ROCK2: variants seen among roughly 807,000 people sequenced by gnomAD.
ROCK2 encodes rho-associated protein kinase 2.
In ROCK2, 61 loss-of-function variants were observed where a neutral mutation model predicts 195.1. That is an observed-to-expected ratio of 0.31 (90% CI 0.25 to 0.39). The LOEUF (loss-of-function observed/expected upper bound fraction) is 0.39. Among genes scored for constraint, ROCK2 ranks in the 10% least tolerant of loss-of-function variants. The pLI is 1.00. For missense variants in ROCK2, 1,109 were observed against 1,637.4 expected (o/e 0.68, Z 5.57); for synonymous variants, 504 against 545.5 (o/e 0.92, Z 1.06).
In ROCK2 at chr2:11,235,619, A is replaced by G. The variant is rs2148104874; in HGVS notation, c.723+83T>C. 7.0e-7 allele frequency: 1 copy of G among 1,434,400 alleles called. No homozygotes were observed. Among genetic ancestry groups the G allele is most frequent in the African/African-American group, 1.4e-5 (1 of 70,152 alleles). The allele number at this position is 1,434,400 out of a possible 1,614,324, so 88.9% of individuals were successfully genotyped here. On this transcript the variant is annotated intron_variant, in intron 5 of 32. Transcript: ENST00000315872. The surrounding 1 kb of genome is among the most constrained non-coding windows in gnomAD (Gnocchi z 4.2). ...ATGAAAACTAAATTTACCTTTGTTC[A>G]AAACTATGAAGACCTGACTTAAAGT... is the stretch of plus-strand genomic sequence containing the variant.
intron 1 of ROCK2, among the ~76,000 whole-genome samples, chr2:11,313,157 T>C (rs1668087765): frequency 6.6e-6 from 1 of 152,098 alleles, no homozygotes; most frequent in Admixed American, 6.6e-5. Context: ...ATTGGTTCAT[T>C]AACTGTATGT....
At chr2:11,340,435 C>T (rs12692437) in intron 1 of ROCK2, among the ~76,000 whole-genome samples, 122,645 of 152,104 alleles carry the variant, frequency 0.81, 51,099 homozygotes, top group East Asian at 0.99. Flanking sequence ...GTAAGTTCCA[C>T]ACATCACCTT....
chr2:11,270,182 T>C (rs1666577478), intron 3 of ROCK2, among the ~76,000 whole-genome samples: 1 of 152,192 alleles, frequency 6.6e-6, no homozygotes, highest in African/African-American at 2.4e-5. Context: ...TTCCACTCTT[T>C]TTGCTTGCAT....
chr2:11,258,711 CG>C (rs1666120863), intron 3 of ROCK2, among the ~76,000 whole-genome samples: 1 of 150,916 alleles, frequency 6.6e-6, no homozygotes, highest in Non-Finnish European at 1.5e-5. Flanking sequence ...CTGTTAGTCA[CG>C]GGTTAAGGAG....
chr2:11,331,014 A>G (rs559331499), intron 1 of ROCK2, among the ~76,000 whole-genome samples: 21 of 10,526 alleles, frequency 2.0e-3, no homozygotes, highest in African/African-American at 7.5e-3. Context: ...AAGGAGCAGA[A>G]AGAAGGAGGG....
At chr2:11,249,353 T>C (rs895891657) in intron 4 of ROCK2, among the ~76,000 whole-genome samples, 4 of 152,374 alleles carry the variant, frequency 2.6e-5, no homozygotes, top group South Asian at 2.1e-4. Context: ...GTTCCTACTA[T>C]GTAAATCACA....
At chr2:11,280,457 C>T (rs528230115) in intron 3 of ROCK2, among the ~76,000 whole-genome samples, 1 of 146,998 alleles carries the variant, frequency 6.8e-6, no homozygotes, top group South Asian at 2.1e-4. Flanking sequence ...AACCCCATCT[C>T]TACAGAAAAA....
At chr2:11,315,633 C>G (rs1006066060) in intron 1 of ROCK2, among the ~76,000 whole-genome samples, 1 of 151,906 alleles carries the variant, frequency 6.6e-6, no homozygotes, top group Admixed American at 6.6e-5. Flanking sequence ...CATTTAACAA[C>G]AAGCAAAGTC....
intron 1 of ROCK2, among the ~76,000 whole-genome samples, chr2:11,332,472 C>T (rs546430213): frequency 6.6e-6 from 1 of 152,188 alleles, no homozygotes; most frequent in African/African-American, 2.4e-5. Context: ...TTAGGCCACA[C>T]TCATGACACA....
intron 11 of ROCK2, 135 bp from the exon 12 acceptor site, chr2:11,217,304 C>T (rs751605388): frequency 2.7e-6 from 2 of 736,464 alleles, no homozygotes; most frequent in Non-Finnish European, 2.5e-6. Context: ...GTATTTGTAC[C>T]TCCTTAATGT....
intron 1 of ROCK2, among the ~76,000 whole-genome samples, chr2:11,316,370 T>A (rs957978243): frequency 2.0e-5 from 3 of 152,104 alleles, no homozygotes; most frequent in African/African-American, 7.2e-5. Flanking sequence ...ATTACTAAAG[T>A]CAAAAACCAT....
chr2:11,344,557 C>A lies in ROCK2; in HGVS notation c.-421G>T. 1 of 938,556 alleles carries A rather than the reference C, an allele frequency of 1.1e-6. No homozygotes were observed. The highest frequency in any genetic ancestry group is 1.3e-6 in the Non-Finnish European group (1 of 789,208). The allele number at this position is 938,556 out of a possible 1,614,324, so 58.1% of individuals were successfully genotyped here. On this transcript the variant is annotated 5_prime_UTR_variant, in exon 1 of 33. Transcript: ENST00000315872. This position sits in a 1 kb window ranked among gnomAD's most constrained non-coding sequence, Gnocchi z 5.4. Reference sequence around the variant, plus strand: ...TGGGCCACTACGGCCGCCGCCGGCCCGCTGCCATGGTCGCCGCCGGCCGCC... The same window carrying A: ...TGGGCCACTACGGCCGCCGCCGGCCAGCTGCCATGGTCGCCGCCGGCCGCC...
At chr2:11,216,590 AACCTCAGCCTCCCAGGT>A (rs2148068163) in intron 12 of ROCK2, among the ~76,000 whole-genome samples, 1 of 150,516 alleles carries the variant, frequency 6.6e-6, no homozygotes, top group South Asian at 2.1e-4. Flanking sequence ...AGCTCACTGC[AACCTCAGCCTCCCAGGT>A]TCAAGCGACT....
chr2:11,283,980 C>T (rs1667104592), intron 3 of ROCK2, among the ~76,000 whole-genome samples: 1 of 152,180 alleles, frequency 6.6e-6, no homozygotes, highest in African/African-American at 2.4e-5. Context: ...GTGCTTTACT[C>T]ATAATTGTCA....
At chr2:11,269,993 A>G (rs1001007867) in intron 3 of ROCK2, among the ~76,000 whole-genome samples, 1 of 152,160 alleles carries the variant, frequency 6.6e-6, no homozygotes, top group Non-Finnish European at 1.5e-5. Context: ...GCCTCAAGCA[A>G]TCCTTCCACC....
chr2:11,272,081 G>A (rs1666655592), intron 3 of ROCK2, among the ~76,000 whole-genome samples: 1 of 151,684 alleles, frequency 6.6e-6, no homozygotes, highest in African/African-American at 2.4e-5. Flanking sequence ...GGAAAGGACT[G>A]CCTTGGAAAG....
intron 1 of ROCK2, among the ~76,000 whole-genome samples, chr2:11,310,925 G>GT (rs1312948090): frequency 6.6e-6 from 1 of 151,520 alleles, no homozygotes; most frequent in Non-Finnish European, 1.5e-5. Context: ...TGAGAAAAAT[G>GT]TATCTATGAC....
intron 6 of ROCK2, among the ~76,000 whole-genome samples, chr2:11,226,912 GAAAA>G (rs36080073): frequency 2.1e-3 from 212 of 100,784 alleles, no homozygotes; most frequent in East Asian, 8.8e-3. Flanking sequence ...CCCTGCCTCA[GAAAA>G]AAAAAAAAAA....
At chr2:11,337,615 C>T (rs1668971447) in intron 1 of ROCK2, among the ~76,000 whole-genome samples, 1 of 151,114 alleles carries the variant, frequency 6.6e-6, no homozygotes, top group Non-Finnish European at 1.5e-5. Context: ...ATAACTACTT[C>T]ATAAAAAGAT....
Sources: allele counts gnomAD v4.1 joint callset (sites outside exome capture counted in the v4.1 genomes callset), GRCh38; gene constraint gnomAD v4.1.1; non-coding constraint Gnocchi (gnomAD v3.1); transcripts MANE v1.5; gene names NCBI Gene and HGNC (gene_info 2026-07-23, HGNC 2026-07-21).